XYLT1: variants seen among roughly 807,000 people sequenced by gnomAD.
The protein encoded by XYLT1 is beta-D-xylosyltransferase 1.
In XYLT1, 36 loss-of-function variants were observed where a neutral mutation model predicts 91.3. That is an observed-to-expected ratio of 0.39 (90% CI 0.30 to 0.52). XYLT1 has a LOEUF of 0.52. XYLT1 is among the 20% of genes least tolerant of loss of function. The pLI is 0.68. For synonymous variants in XYLT1, 588 were observed against 532.0 expected, an observed-to-expected ratio of 1.11 and a Z score of -1.45; for missense variants, 1,242 against 1,284.5, an observed-to-expected ratio of 0.97 and a Z score of 0.51.
At chr16:17,286,278 T>C (rs1038252609) in intron 2 of XYLT1, among the ~76,000 whole-genome samples, 1 of 151,932 alleles carries the variant, frequency 6.6e-6, no homozygotes, top group South Asian at 2.1e-4. Flanking sequence ...GACTGAGCAA[T>C]ATGTGGGAGG....
chr16:17,261,465 GAATTCA>G (rs2033721283), intron 2 of XYLT1, among the ~76,000 whole-genome samples: 1 of 152,104 alleles, frequency 6.6e-6, no homozygotes, highest in Non-Finnish European at 1.5e-5. Context: ...GGTGAAGCTG[GAATTCA>G]AACCAGGCAG....
intron 1 of XYLT1, among the ~76,000 whole-genome samples, chr16:17,461,149 T>C (rs777630075): frequency 6.6e-6 from 1 of 152,204 alleles, no homozygotes; most frequent in Non-Finnish European, 1.5e-5. Flanking sequence ...GGTTGTTTCA[T>C]GAGCTACAAG....
At chr16:17,271,500 C>T (rs2033893417) in intron 2 of XYLT1, among the ~76,000 whole-genome samples, 1 of 152,182 alleles carries the variant, frequency 6.6e-6, no homozygotes, top group Non-Finnish European at 1.5e-5. Context: ...AGAATGTGAA[C>T]AACCCAGTCT....
intron 5 of XYLT1, among the ~76,000 whole-genome samples, chr16:17,185,455 G>A (rs1324663036): frequency 2.6e-5 from 4 of 152,170 alleles, no homozygotes; most frequent in African/African-American, 4.8e-5. Context: ...GTCTCTGAAC[G>A]TCCCAAAGAA....
chr16:17,248,964 C>T lies in XYLT1; in HGVS notation c.913+10024G>A, dbSNP rs568258710. Among the ~76,000 whole-genome samples, 35 of 151,828 alleles carry T rather than the reference C, an allele frequency of 2.3e-4. 1 individual carries two copies. Among genetic ancestry groups the T allele is most frequent in the East Asian group, 9.7e-4 (5 of 5,146 alleles). On this transcript the variant is annotated intron_variant, in intron 3 of 11. Transcript: ENST00000261381. ...CTGGTATCAAACTCCTGACCTCAAG[C>T]GATCCACCTGCCTCCCAAAGTGCTG...
chr16:17,272,018 AG>A (rs2033902523), intron 2 of XYLT1, among the ~76,000 whole-genome samples: 1 of 152,150 alleles, frequency 6.6e-6, no homozygotes, highest in Non-Finnish European at 1.5e-5. Context: ...GAGAAATGGC[AG>A]CTGCATGAGG....
intron 1 of XYLT1, among the ~76,000 whole-genome samples, chr16:17,376,827 CAAAAAAAAAAAA>C (rs10684824): frequency 5.4e-5 from 3 of 55,672 alleles, no homozygotes; most frequent in African/African-American, 8.1e-5. Flanking sequence ...AACTCTGTCT[CAAAAAAAAAAAA>C]AAAAAAAAAA....
chr16:17,116,617 A>G (rs1286551599), intron 11 of XYLT1, among the ~76,000 whole-genome samples: 1 of 152,176 alleles, frequency 6.6e-6, no homozygotes, highest in Non-Finnish European at 1.5e-5. Context: ...GCTATTAAGA[A>G]TAATTCTCAT....
intron 1 of XYLT1, among the ~76,000 whole-genome samples, chr16:17,379,767 A>T (rs559715362): frequency 4.6e-3 from 597 of 129,628 alleles, no homozygotes; most frequent in African/African-American, 0.01. Context: ...TCTCTCTCAC[A>T]CACACACACA....
chr16:17,357,916 T>G (rs965366226), intron 2 of XYLT1, 96 bp downstream of exon 2: 12 of 1,367,628 alleles, frequency 8.8e-6, no homozygotes, highest in Non-Finnish European at 1.2e-5. Context: ...GGGGCAGCCA[T>G]GGGCCTGTCC....
intron 1 of XYLT1, among the ~76,000 whole-genome samples, chr16:17,437,643 G>A (rs529883560): frequency 1.2e-4 from 19 of 152,148 alleles, no homozygotes; most frequent in Non-Finnish European, 1.6e-4. Flanking sequence ...TTCGTGGAGC[G>A]GTTGTTTAGA....
chr16:17,154,143 G>A (rs1213259121), intron 6 of XYLT1, among the ~76,000 whole-genome samples: 10 of 152,196 alleles, frequency 6.6e-5, no homozygotes, highest in Admixed American at 5.9e-4. Flanking sequence ...CAGTGAGGAT[G>A]CTCCATCTCC....
rs535254746 is a variant in XYLT1 at position 17,168,278 on chromosome 16, A to G, written c.1290-9369T>C. Among the ~76,000 whole-genome samples the G allele has an allele frequency of 2.6e-5, 4 of 152,318 alleles. No individual in the cohort carries two copies. In the South Asian group the frequency reaches 6.2e-4, roughly 24 times the overall value. On this transcript the variant is annotated intron_variant, in intron 5 of 11. Coordinates refer to ENST00000261381, the MANE Select transcript of XYLT1 (RefSeq NM_022166.4). ...GTGCAGCCATCAAAAGAACAAAATC[A>G]TGTCCTTTGCTGCAATATGGATGCA...
chr16:17,141,590 C>A (rs915723006), intron 6 of XYLT1, among the ~76,000 whole-genome samples: 1 of 152,084 alleles, frequency 6.6e-6, no homozygotes, highest in African/African-American at 2.4e-5. Context: ...CTATTTGACC[C>A]CCAACTTTCA....
chr16:17,415,782 C>T (rs904921443), intron 1 of XYLT1, among the ~76,000 whole-genome samples: 9 of 152,048 alleles, frequency 5.9e-5, no homozygotes, highest in African/African-American at 2.2e-4. Context: ...CTGTGGTGAG[C>T]AGGAATACGA....
chr16:17,470,512 C>A lies in XYLT1; in HGVS notation c.285G>T (p.Ala95=). The part of the protein sequence containing the change: ...GGGGGGRGPQ[A]RARGGGPGEP... ...CTCCGGGGCCGCCTCCCCGCGCCCG[C>A]GCCTGGGGCCCCCGTCCTCCTCCTC... The change falls in exon 1 of 12, where the codon GCG becomes GCT. Residue 95 remains alanine, a synonymous_variant. Transcript: ENST00000261381. The A allele has an allele frequency of 8.1e-7, 1 of 1,229,508 alleles. No homozygotes were observed. The highest frequency in any genetic ancestry group is 1.0e-6 in the Non-Finnish European group (1 of 987,088). 76.2% of individuals were successfully genotyped at this position (1,229,508 alleles called of 1,614,324 possible).
At chr16:17,423,968 T>C (rs751057912) in intron 1 of XYLT1, among the ~76,000 whole-genome samples, 1 of 152,150 alleles carries the variant, frequency 6.6e-6, no homozygotes, top group Admixed American at 6.5e-5. Flanking sequence ...GCAAGTCCTA[T>C]AGCAAAATCC....
At chr16:17,137,812 A>G (rs916855527) in intron 8 of XYLT1, among the ~76,000 whole-genome samples, 7 of 152,176 alleles carry the variant, frequency 4.6e-5, no homozygotes, top group Non-Finnish European at 1.0e-4. Context: ...CAATTCATTA[A>G]AAATACAAAT....
At chr16:17,469,995 C>T (rs1035240680) in intron 1 of XYLT1, among the ~76,000 whole-genome samples, 1 of 152,150 alleles carries the variant, frequency 6.6e-6, no homozygotes, top group African/African-American at 2.4e-5. Flanking sequence ...ACTGTCTGCA[C>T]CCAGCTCGGC....
Sources: gnomAD v4.1 joint callset for allele counts (sites outside exome capture counted in the v4.1 genomes callset) on GRCh38, gnomAD v4.1.1 for gene constraint, MANE v1.5 for transcripts, NCBI Gene and HGNC (gene_info 2026-07-23, HGNC 2026-07-21) for gene names.